The following CTNNA2 variants were observed in gnomAD, a reference collection of about 807,000 sequenced individuals.
CTNNA2 encodes catenin alpha 2, also known as catenin alpha-2.
CTNNA2 carries 42 observed loss-of-function variants against 101.0 expected under a neutral mutation model. That is an observed-to-expected ratio of 0.42 (90% CI 0.32 to 0.54). CTNNA2 has a LOEUF of 0.54. Among genes scored for constraint, CTNNA2 ranks in the 20% least tolerant of loss-of-function variants. CTNNA2 has a pLI of 0.14. For synonymous variants in CTNNA2, 450 were observed against 456.4 expected, an observed-to-expected ratio of 0.99 and a Z score of 0.18; for missense variants, 871 against 1,223.1, an observed-to-expected ratio of 0.71 and a Z score of 4.29.
intron 7 of CTNNA2, among the ~76,000 whole-genome samples, chr2:80,048,721 G>A (rs546905860): frequency 2.6e-5 from 4 of 152,328 alleles, no homozygotes; most frequent in African/African-American, 9.6e-5. Context: ...CTAAAGCTAT[G>A]CACAATAAAT....
chr2:79,779,284 A>C (rs1446268876), intron 3 of CTNNA2, among the ~76,000 whole-genome samples: 1 of 152,200 alleles, frequency 6.6e-6, no homozygotes, highest in African/African-American at 2.4e-5. Flanking sequence ...GGAGTATCCA[A>C]GGGTGACTGG....
intron 3 of CTNNA2, among the ~76,000 whole-genome samples, chr2:79,767,419 G>A (rs2105121594): frequency 6.6e-6 from 1 of 152,094 alleles, no homozygotes; most frequent in African/African-American, 2.4e-5. Context: ...ATATTCTTAG[G>A]TGTCTAGACA....
chr2:79,470,184 C>G (rs1459249634), intron 4 of CTNNA2, among the ~76,000 whole-genome samples: 1 of 152,052 alleles, frequency 6.6e-6, no homozygotes, highest in Non-Finnish European at 1.5e-5. Flanking sequence ...TTTAGGAGGC[C>G]AGTGATATCA....
At chr2:79,201,094 C>G (rs559624290) in intron 2 of CTNNA2, among the ~76,000 whole-genome samples, 4 of 152,178 alleles carry the variant, frequency 2.6e-5, no homozygotes, top group Middle Eastern at 3.4e-3. Flanking sequence ...ATTTCCCCCC[C>G]CCTTTTTTTG....
chr2:79,576,329 T>G (rs1271537099), intron 1 of CTNNA2, among the ~76,000 whole-genome samples: 1 of 152,190 alleles, frequency 6.6e-6, no homozygotes, highest in Non-Finnish European at 1.5e-5. Context: ...GAATGAAAAT[T>G]TCACCTTTTT....
At chr2:79,995,783 C>G (rs929475786) in intron 7 of CTNNA2, among the ~76,000 whole-genome samples, 6 of 152,110 alleles carry the variant, frequency 3.9e-5, no homozygotes, top group African/African-American at 1.4e-4. Flanking sequence ...CACCACTGCA[C>G]TCCAGCCTGG....
In CTNNA2 at chr2:79,874,040, C is replaced by T; in HGVS notation, c.586-36C>T. ...GTTGCAAATATTTCTATGCAAATTTCATGTGTGTGACAGCTTTCATGTGTT... is the reference window on the plus strand; with the variant it reads ...GTTGCAAATATTTCTATGCAAATTTTATGTGTGTGACAGCTTTCATGTGTT... On this transcript the variant is annotated intron_variant, in intron 5 of 18. Coordinates refer to ENST00000402739, the MANE Select transcript of CTNNA2 (RefSeq NM_001282597.3). 1.9e-6 allele frequency: 3 copies of T among 1,606,696 alleles called. No individual in the cohort carries two copies. The South Asian group carries it at 3.3e-5, about 18-fold the overall frequency.
At chr2:80,248,594 G>A (rs117542570) in intron 7 of CTNNA2, among the ~76,000 whole-genome samples, 2,826 of 152,214 alleles carry the variant, frequency 0.019, 35 homozygotes, top group South Asian at 0.043. Context: ...TTTGTCTGCC[G>A]TCTTCCAACC....
chr2:80,253,028 T>C (rs1177625183), intron 7 of CTNNA2, among the ~76,000 whole-genome samples: 1 of 150,408 alleles, frequency 6.6e-6, no homozygotes, highest in Non-Finnish European at 1.5e-5. Context: ...CCCCCTTACT[T>C]TCTACTCCAG....
At chr2:80,524,782 T>C (rs1476992625) in intron 9 of CTNNA2, among the ~76,000 whole-genome samples, 1 of 152,132 alleles carries the variant, frequency 6.6e-6, no homozygotes, top group Non-Finnish European at 1.5e-5. Flanking sequence ...ACATGCTCTC[T>C]CACACACAAA....
chr2:80,072,213 A>G (rs192159544), intron 7 of CTNNA2, among the ~76,000 whole-genome samples: 1 of 152,208 alleles, frequency 6.6e-6, no homozygotes, highest in East Asian at 1.9e-4. Context: ...CAGTTTTCCA[A>G]TTTGGGCTAC....
At chr2:79,963,159 A>G (rs1365958600) in intron 7 of CTNNA2, among the ~76,000 whole-genome samples, 2 of 151,822 alleles carry the variant, frequency 1.3e-5, no homozygotes, top group Admixed American at 6.6e-5. Context: ...CTAAATGAAT[A>G]TCTGATAGGG....
At chr2:79,444,491 C>T (rs1446296940) in intron 4 of CTNNA2, among the ~76,000 whole-genome samples, 1 of 152,076 alleles carries the variant, frequency 6.6e-6, no homozygotes, top group African/African-American at 2.4e-5. Flanking sequence ...ACTAGAAAGA[C>T]TTCCCTCCCC....
chr2:79,871,613 A>T (rs1170810064), intron 5 of CTNNA2, among the ~76,000 whole-genome samples: 1 of 152,122 alleles, frequency 6.6e-6, no homozygotes, highest in Non-Finnish European at 1.5e-5. Context: ...GTACCCACCT[A>T]CACTGAGGGT....
At chr2:79,570,234 G>GGT (rs1425916804) in intron 1 of CTNNA2, among the ~76,000 whole-genome samples, 1 of 152,096 alleles carries the variant, frequency 6.6e-6, no homozygotes, top group African/African-American at 2.4e-5. Context: ...CAGTGGACCA[G>GGT]GTCAGTGTTT....
At chr2:80,400,857 G>A (rs912278426) in intron 8 of CTNNA2, among the ~76,000 whole-genome samples, 1 of 152,012 alleles carries the variant, frequency 6.6e-6, no homozygotes, top group Non-Finnish European at 1.5e-5. Flanking sequence ...CAGTATCCTA[G>A]ACCCCAGCCT....
At chr2:79,796,394 CAAA>C (rs386390569) in intron 3 of CTNNA2, among the ~76,000 whole-genome samples, 1 of 94,812 alleles carries the variant, frequency 1.1e-5, no homozygotes, top group Admixed American at 1.1e-4. Flanking sequence ...GACTCCGTCT[CAAA>C]AAAAAAAAAA....
intron 7 of CTNNA2, among the ~76,000 whole-genome samples, chr2:80,233,710 C>T (rs932116295): frequency 1.3e-5 from 2 of 152,128 alleles, no homozygotes; most frequent in African/African-American, 4.8e-5. Flanking sequence ...GGAAACACAG[C>T]CATGGAGAAA....
intron 2 of CTNNA2, among the ~76,000 whole-genome samples, chr2:79,211,017 AC>A (rs1388733457): frequency 1.3e-5 from 2 of 152,120 alleles, no homozygotes; most frequent in Non-Finnish European, 2.9e-5. Flanking sequence ...CTTCCTGTCT[AC>A]CTGAAACTTC....
Sources: gnomAD v4.1 joint callset for allele counts (sites outside exome capture counted in the v4.1 genomes callset) on GRCh38, gnomAD v4.1.1 for gene constraint, MANE v1.5 for transcripts, NCBI Gene and HGNC (gene_info 2026-07-23, HGNC 2026-07-21) for gene names.